The following REDIC1 variants were observed in gnomAD, a reference collection of about 807,000 sequenced individuals.
REDIC1 encodes the protein regulator of DNA class I crossover intermediates 1, also known as HEI10 Interacting Protein 1.
chr12:39,776,626 C>T, the REDIC1 span, among the ~76,000 whole-genome samples: 1 of 152,162 alleles, frequency 6.6e-6, no homozygotes, highest in Admixed American at 6.5e-5. Flanking sequence ...ACGGAGTTGA[C>T]AGTGATGGAG....
At chr12:39,790,487 G>A in the REDIC1 span, among the ~76,000 whole-genome samples, 1 of 150,138 alleles carries the variant, frequency 6.7e-6, no homozygotes, top group African/African-American at 2.5e-5. Flanking sequence ...TTTTGTTCTT[G>A]TGATAGTTTG....
At chr12:39,653,273 T>C in the REDIC1 span, among the ~76,000 whole-genome samples, 1 of 152,078 alleles carries the variant, frequency 6.6e-6, no homozygotes, top group Non-Finnish European at 1.5e-5. Flanking sequence ...TTTTATTCTT[T>C]TTATGCTTTC....
the REDIC1 span, among the ~76,000 whole-genome samples, chr12:39,834,873 A>G: frequency 6.6e-6 from 1 of 152,098 alleles, no homozygotes; most frequent in East Asian, 1.9e-4. Context: ...AAAACTTTAA[A>G]TATCCTGGGG....
At chr12:39,706,685 A>G in the REDIC1 span, among the ~76,000 whole-genome samples, 3 of 151,944 alleles carry the variant, frequency 2.0e-5, no homozygotes, top group Non-Finnish European at 4.4e-5. Flanking sequence ...CAGAATAGAG[A>G]ACCCAGAAAC....
chr12:39,892,132 A>G, the REDIC1 span, among the ~76,000 whole-genome samples: 2 of 152,200 alleles, frequency 1.3e-5, no homozygotes, highest in African/African-American at 2.4e-5. Context: ...CTTCTGCTCC[A>G]CATAGCATGC....
chr12:39,683,051 A>C, the REDIC1 span: 4 of 1,613,326 alleles, frequency 2.5e-6, no homozygotes, highest in South Asian at 3.3e-5. Flanking sequence ...CCAAACAAGA[A>C]GTATCAGAGA....
the REDIC1 span, chr12:39,907,495 C>T: frequency 6.6e-6 from 1 of 152,208 alleles, no homozygotes; most frequent in African/African-American, 2.4e-5. Flanking sequence ...TCCTACAAAA[C>T]TCTATCAAAA....
the REDIC1 span, among the ~76,000 whole-genome samples, chr12:39,702,759 G>A: frequency 1.3e-5 from 2 of 152,124 alleles, no homozygotes; most frequent in Non-Finnish European, 2.9e-5. Context: ...CTTCATCCCT[G>A]GGATGCAAGG....
At chr12:39,811,823 C>A in the REDIC1 span, among the ~76,000 whole-genome samples, 1 of 152,034 alleles carries the variant, frequency 6.6e-6, no homozygotes, top group South Asian at 2.1e-4. Context: ...TGTCTGTTTC[C>A]ATCCCCATTT....
At chr12:39,882,299 A>G in the REDIC1 span, among the ~76,000 whole-genome samples, 5 of 152,132 alleles carry the variant, frequency 3.3e-5, no homozygotes, top group Non-Finnish European at 5.9e-5. Flanking sequence ...AGGACCAAGA[A>G]TTTGCCTTTC....
chr12:39,764,367 C>A, the REDIC1 span: 1 of 1,170,402 alleles, frequency 8.5e-7, no homozygotes, highest in Non-Finnish European at 1.2e-6. Flanking sequence ...CAAAATATAA[C>A]CACATAGTCT....
the REDIC1 span, among the ~76,000 whole-genome samples, chr12:39,686,711 T>A: frequency 6.6e-6 from 1 of 152,236 alleles, no homozygotes; most frequent in Non-Finnish European, 1.5e-5. Context: ...TCCCGGAAAA[T>A]GGGCTTTTAT....
chr12:39,808,327 T>C, the REDIC1 span, among the ~76,000 whole-genome samples: 17 of 152,322 alleles, frequency 1.1e-4, no homozygotes, highest in South Asian at 1.0e-3. Flanking sequence ...GGGTGTATCA[T>C]AATTTGTTTA....
At chr12:39,627,286 G>T in the REDIC1 span, among the ~76,000 whole-genome samples, 1 of 152,126 alleles carries the variant, frequency 6.6e-6, no homozygotes, top group Non-Finnish European at 1.5e-5. Flanking sequence ...ATTACTTCTG[G>T]CTAGTGTTCT....
the REDIC1 span, among the ~76,000 whole-genome samples, chr12:39,792,969 A>C: frequency 6.6e-6 from 1 of 152,062 alleles, no homozygotes; most frequent in Non-Finnish European, 1.5e-5. Flanking sequence ...ATATATCTAC[A>C]TTTTCCTTTA....
the REDIC1 span, among the ~76,000 whole-genome samples, chr12:39,870,538 C>T: frequency 6.6e-6 from 1 of 152,160 alleles, no homozygotes; most frequent in Non-Finnish European, 1.5e-5. Context: ...TGGTAGGCTT[C>T]TGCCTTTAGT....
At chr12:39,843,635 A>C in the REDIC1 span, among the ~76,000 whole-genome samples, 1 of 152,076 alleles carries the variant, frequency 6.6e-6, no homozygotes, top group African/African-American at 2.4e-5. Flanking sequence ...TGTAGGCCAA[A>C]GCATTTATTG....
chr12:39,848,856 A>G, the REDIC1 span, among the ~76,000 whole-genome samples: 8 of 152,212 alleles, frequency 5.3e-5, no homozygotes, highest in Non-Finnish European at 1.2e-4. Flanking sequence ...AAAGGACGAG[A>G]TCACATCTTT....
chr12:39,815,416 G>T, the REDIC1 span, among the ~76,000 whole-genome samples: 3 of 152,090 alleles, frequency 2.0e-5, no homozygotes, highest in African/African-American at 7.2e-5. Context: ...AGAATAAATC[G>T]AACAGGTTCT....
Sources: gnomAD v4.1 joint callset for allele counts (sites outside exome capture counted in the v4.1 genomes callset) on GRCh38, gnomAD v4.1.1 for gene constraint, MANE v1.5 for transcripts, NCBI Gene and HGNC (gene_info 2026-07-23, HGNC 2026-07-21) for gene names.